Variants in XRCC4 observed in about 807,000 individuals in gnomAD.
XRCC4 encodes the protein X-ray repair cross complementing 4, also known as DNA repair protein XRCC4.
XRCC4 carries 28 observed loss-of-function variants against 39.1 expected under a neutral mutation model. That is an observed-to-expected ratio of 0.72 (90% CI 0.53 to 0.98). The LOEUF is 0.98. Among genes scored for constraint, XRCC4 ranks in the 50% least tolerant of loss-of-function variants. The pLI is 0.00. For missense variants in XRCC4, 350 were observed against 376.4 expected (o/e 0.93, Z 0.58); for synonymous variants, 123 against 126.4 (o/e 0.97, Z 0.18).
At chr5:83,232,926 T>A (rs1020228356) in intron 6 of XRCC4, among the ~76,000 whole-genome samples, 5 of 152,134 alleles carry the variant, frequency 3.3e-5, no homozygotes, top group South Asian at 2.1e-4. Flanking sequence ...GTTACACAAC[T>A]AGCAAGAGGA....
At chr5:83,347,143 A>C (rs1458904638) in intron 7 of XRCC4, among the ~76,000 whole-genome samples, 1 of 152,092 alleles carries the variant, frequency 6.6e-6, no homozygotes, top group Non-Finnish European at 1.5e-5. Context: ...TGTAGATCTA[A>C]ATTTTTCAAC....
At chr5:83,182,264 T>G (rs1011449308) in intron 3 of XRCC4, among the ~76,000 whole-genome samples, 1 of 152,162 alleles carries the variant, frequency 6.6e-6, no homozygotes, top group Non-Finnish European at 1.5e-5. Flanking sequence ...GCAATAACAA[T>G]TTCCTGCTTC....
chr5:83,179,759 C>T (rs11949474), intron 3 of XRCC4, among the ~76,000 whole-genome samples: 71,888 of 151,966 alleles, frequency 0.47, 17,620 homozygotes, highest in African/African-American at 0.57. Context: ...CAGCTCTGGC[C>T]AGGGGACTCA....
At chr5:83,337,708 T>G (rs1470075897) in intron 7 of XRCC4, among the ~76,000 whole-genome samples, 1 of 152,140 alleles carries the variant, frequency 6.6e-6, no homozygotes, top group Non-Finnish European at 1.5e-5. Context: ...TCACAGAAAA[T>G]ACAAGCATAA....
chr5:83,141,170 A>G (rs528376961), intron 3 of XRCC4, among the ~76,000 whole-genome samples: 2 of 152,350 alleles, frequency 1.3e-5, no homozygotes, highest in South Asian at 4.1e-4. Context: ...CAAGTACATA[A>G]TATGCCATTT....
chr5:83,356,670 A>G (rs763121721), downstream of XRCC4: 30 of 450,706 alleles, frequency 6.7e-5, no homozygotes, highest in Non-Finnish European at 1.1e-4. Flanking sequence ...TGGTGTAAAC[A>G]TGTCCAGATC....
At position 83,203,855 on chromosome 5, in the gene XRCC4, G is replaced by T. The variant is rs372603532; in HGVS notation, c.638+148G>T. Reference sequence around the variant, plus strand: ...TGGATGTTCAGGCTGTTAGATAGGGGTACCATGGGCTAGAGAGTTCTCAGC... The same window carrying T: ...TGGATGTTCAGGCTGTTAGATAGGGTTACCATGGGCTAGAGAGTTCTCAGC... On this transcript the variant is annotated intron_variant, in intron 5 of 7. Transcript: ENST00000396027. The T allele has an allele frequency of 2.3e-4, 208 of 904,800 alleles. 1 individual carries two copies. The African/African-American group carries it at 3.1e-3, about 14-fold the overall frequency. The allele number at this position is 904,800 out of a possible 1,614,324, so 56.0% of individuals were successfully genotyped here.
intron 7 of XRCC4, among the ~76,000 whole-genome samples, chr5:83,303,758 G>A (rs974762114): frequency 6.6e-6 from 1 of 152,050 alleles, no homozygotes; most frequent in Non-Finnish European, 1.5e-5. Context: ...AATGTTATAT[G>A]GAATAAACTG....
At chr5:83,330,051 A>G (rs115953136) in intron 7 of XRCC4, among the ~76,000 whole-genome samples, 151 of 152,236 alleles carry the variant, frequency 9.9e-4, no homozygotes, top group African/African-American at 3.5e-3. Context: ...CGGGCATCAT[A>G]TTAGCAACTT....
chr5:83,100,374 G>C (rs1745873757), intron 1 of XRCC4, among the ~76,000 whole-genome samples: 1 of 152,010 alleles, frequency 6.6e-6, no homozygotes, highest in Non-Finnish European at 1.5e-5. Context: ...ACATCATTGA[G>C]ATTAAAGCCC....
At chr5:83,334,536 A>G (rs1291569362) in intron 7 of XRCC4, among the ~76,000 whole-genome samples, 1 of 152,062 alleles carries the variant, frequency 6.6e-6, no homozygotes, top group East Asian at 1.9e-4. Context: ...TGATCAAACT[A>G]TTATGTAGAC....
At chr5:83,097,691 GA>G (rs1177183859) in intron 1 of XRCC4, among the ~76,000 whole-genome samples, 3 of 152,030 alleles carry the variant, frequency 2.0e-5, no homozygotes, top group African/African-American at 7.2e-5. Context: ...AGTTCTTGTT[GA>G]AAAAGACTGC....
At chr5:83,138,305 A>C (rs1747999033) in intron 3 of XRCC4, among the ~76,000 whole-genome samples, 1 of 152,182 alleles carries the variant, frequency 6.6e-6, no homozygotes, top group Middle Eastern at 3.2e-3. Context: ...CATTTTAAAT[A>C]TGTCAATCCA....
intron 3 of XRCC4, among the ~76,000 whole-genome samples, chr5:83,182,152 G>A (rs953584567): frequency 5.9e-5 from 9 of 152,100 alleles, no homozygotes; most frequent in African/African-American, 1.7e-4. Context: ...AATGAGCAGA[G>A]TATAGAATAG....
intron 3 of XRCC4, among the ~76,000 whole-genome samples, chr5:83,166,211 T>C (rs947967552): frequency 7.9e-5 from 12 of 152,148 alleles, no homozygotes; most frequent in Non-Finnish European, 1.6e-4. Context: ...CATTATATCA[T>C]TGATGGGCAT....
chr5:83,137,337 G>A (rs2112505303), intron 3 of XRCC4, among the ~76,000 whole-genome samples: 1 of 152,272 alleles, frequency 6.6e-6, no homozygotes, highest in African/African-American at 2.4e-5. Context: ...GTTTCAGTAG[G>A]TGAGTTTGGA....
chr5:83,225,554 G>T (rs1387482230), intron 6 of XRCC4, among the ~76,000 whole-genome samples: 1 of 148,660 alleles, frequency 6.7e-6, no homozygotes, highest in East Asian at 2.0e-4. Context: ...CAGTCCCTTA[G>T]GTAGGAGCTA....
chr5:83,269,123 C>G (rs1754051845), intron 7 of XRCC4, among the ~76,000 whole-genome samples: 1 of 152,082 alleles, frequency 6.6e-6, no homozygotes, highest in Admixed American at 6.6e-5. Context: ...TTGGAGTCTT[C>G]CATCTAAGCT....
chr5:83,295,021 A>C (rs968771976), intron 7 of XRCC4, among the ~76,000 whole-genome samples: 37 of 152,080 alleles, frequency 2.4e-4, no homozygotes, highest in African/African-American at 8.9e-4. Context: ...GTTAAGCATT[A>C]TATCTTAGAA....
Sources: gnomAD v4.1 joint callset for allele counts (sites outside exome capture counted in the v4.1 genomes callset) on GRCh38, gnomAD v4.1.1 for gene constraint, MANE v1.5 for transcripts, NCBI Gene and HGNC (gene_info 2026-07-23, HGNC 2026-07-21) for gene names.